CTSB: variants seen among roughly 807,000 people sequenced by gnomAD.
CTSB encodes APP secretase.
In CTSB, 57 loss-of-function variants were observed where a neutral mutation model predicts 44.3. The observed-to-expected ratio is 1.29, with a 90% CI of 1.04 to 1.60. The LOEUF (loss-of-function observed/expected upper bound fraction) is 1.60. Ranked by LOEUF, CTSB falls within the 40% of genes most tolerant of loss-of-function variation. CTSB has a pLI of 0.00. For synonymous variants in CTSB, 320 were observed against 168.0 expected (o/e 1.91, Z -7.00); for missense variants, 768 against 443.0 (o/e 1.73, Z -6.59).
intron 7 of CTSB, 58 bp downstream of exon 7, chr8:11,847,621 G>C (rs1189133824): frequency 4.0e-6 from 6 of 1,488,968 alleles, no homozygotes; most frequent in South Asian, 1.4e-5. Context: ...AGCGTGAGGA[G>C]GGATGCAGCA....
intron 1 of CTSB, among the ~76,000 whole-genome samples, chr8:11,866,718 G>A (rs1817203845): frequency 1.3e-5 from 2 of 152,164 alleles, no homozygotes; most frequent in Admixed American, 1.3e-4. Context: ...AAATTAGCTG[G>A]GCGTGGTGGC....
intron 1 of CTSB, among the ~76,000 whole-genome samples, chr8:11,858,390 G>A (rs927920160): frequency 6.6e-6 from 1 of 152,128 alleles, no homozygotes; most frequent in African/African-American, 2.4e-5. Context: ...TGCCTCCTGG[G>A]CTCAAGAGAT....
chr8:11,865,439 A>G (rs1391512719), intron 1 of CTSB: 1 of 152,140 alleles, frequency 6.6e-6, no homozygotes, highest in African/African-American at 2.4e-5. Context: ...AAATAAAAAA[A>G]TTAGCTGAGT....
intron 4 of CTSB, 34 bp downstream of exon 4, chr8:11,850,832 T>C: frequency 1.3e-6 from 2 of 1,519,194 alleles, no homozygotes; most frequent in Non-Finnish European, 1.8e-6. Context: ...CCACTTTCTC[T>C]CCAGCGCTTC....
At chr8:11,859,018 T>A (rs1487194767) in intron 1 of CTSB, among the ~76,000 whole-genome samples, 1 of 152,162 alleles carries the variant, frequency 6.6e-6, no homozygotes, top group Admixed American at 6.5e-5. Flanking sequence ...GGATGCGGGC[T>A]GGTGGAAGAA....
intron 1 of CTSB, among the ~76,000 whole-genome samples, chr8:11,866,464 G>A (rs1240084397): frequency 6.6e-6 from 1 of 152,266 alleles, no homozygotes; most frequent in African/African-American, 2.4e-5. Flanking sequence ...AAGACGAAGG[G>A]AAGCCTCTGT....
chr8:11,846,743 C>G (rs753329293), intron 8 of CTSB, among the ~76,000 whole-genome samples: 3 of 152,138 alleles, frequency 2.0e-5, no homozygotes, highest in Middle Eastern at 3.2e-3. Flanking sequence ...TGGCCAGCCA[C>G]CAGGGAGGGG....
chr8:11,845,321 C>T (rs1298468780), intron 9 of CTSB, 99 bp from the exon 10 acceptor site: 2 of 923,536 alleles, frequency 2.2e-6, no homozygotes, highest in Admixed American at 2.0e-5. Context: ...TCCCTGGCCA[C>T]TCCTGCTGTT....
Position 11,842,542 on chromosome 8 carries a change from T to C in CTSB, c.*2583A>G, listed in dbSNP as rs1350556827. The C allele has an allele frequency of 6.6e-6, 1 of 152,222 alleles. No homozygotes were observed. Among genetic ancestry groups the C allele is most frequent in the African/African-American group, 2.4e-5 (1 of 41,450 alleles). 9.4% of individuals were successfully genotyped at this position (152,222 alleles called of 1,614,324 possible). A position where few individuals can be genotyped will look rare whatever the true frequency, so the allele number is the denominator to read the frequency against. On this transcript the variant is annotated 3_prime_UTR_variant, in exon 10 of 10. Transcript: ENST00000353047. The stretch of plus-strand genomic sequence containing the variant: ...AACTCAGTTTGGGAGCAGGGAGAAC[T>C]TTATTGAGGTTATGAATATATTCTA...
chr8:11,853,648 A>C (rs1293296), intron 1 of CTSB, 169 bp from the exon 2 acceptor site: 160,408 of 630,424 alleles, frequency 0.25, 22,584 homozygotes, highest in Middle Eastern at 0.31. Flanking sequence ...CCCCTGCCCG[A>C]AGCACGCCAT....
At chr8:11,865,724 C>T (rs1343686616) in intron 1 of CTSB, 2 of 151,308 alleles carry the variant, frequency 1.3e-5, no homozygotes, top group Admixed American at 6.6e-5. Context: ...AAGAAAATTA[C>T]CCCTCCACCG....
At position 11,845,660 on chromosome 8, in the gene CTSB, C is replaced by G. The variant is rs563236488; in HGVS notation, c.922+1G>C. ...TTGGCAGGAAGGGGGCAGCCACTCA[C>G]CATTGTCACCCCAGTCAGTGTTCCA... On this transcript the variant is annotated splice_donor_variant, in intron 9 of 9. Coordinates refer to ENST00000353047, the MANE Select transcript of CTSB (RefSeq NM_001908.5). LOFTEE classifies it high-confidence loss of function. 3 of 1,612,492 alleles carry G rather than the reference C, an allele frequency of 1.9e-6. No individual in the cohort carries two copies. Among genetic ancestry groups the G allele is most frequent in the East Asian group, 2.2e-5 (1 of 44,824 alleles).
At chr8:11,859,767 CAAAAAA>C (rs36047077) in intron 1 of CTSB, among the ~76,000 whole-genome samples, 8,109 of 38,430 alleles carry the variant, frequency 0.21, 283 homozygotes, top group South Asian at 0.35. Context: ...GACTCTGTCT[CAAAAAA>C]AAAAAAAAAA....
rs1207694635 is a variant in CTSB at position 11,845,807 on chromosome 8, G to C, written c.794-18C>G. ...GTACACTCCTGAAAAGGGAAGAACTGGCTGAGACCGAGACCGGGCCACTGT... is the reference window on the plus strand; with the variant it reads ...GTACACTCCTGAAAAGGGAAGAACTCGCTGAGACCGAGACCGGGCCACTGT... On this transcript the variant is annotated intron_variant, in intron 8 of 9. Coordinates refer to ENST00000353047, the MANE Select transcript of CTSB (RefSeq NM_001908.5). The C allele has an allele frequency of 3.7e-6, 6 of 1,602,488 alleles. No individual in the cohort carries two copies. The highest frequency in any genetic ancestry group is 5.1e-6 in the Non-Finnish European group (6 of 1,171,988).
chr8:11,846,289 T>G (rs1813321693), intron 8 of CTSB: 1 of 152,320 alleles, frequency 6.6e-6, no homozygotes, highest in Non-Finnish European at 1.5e-5. Context: ...CCAACCAGGC[T>G]CTCGGGTGGG....
chr8:11,853,554 T>G, intron 1 of CTSB, 75 bp from the exon 2 acceptor site: 1 of 1,442,330 alleles, frequency 6.9e-7, no homozygotes, highest in Non-Finnish European at 9.3e-7. Context: ...GGGCACCGTC[T>G]CGGGCATCAG....
chr8:11,859,880 C>A (rs1455796224), intron 1 of CTSB, among the ~76,000 whole-genome samples: 1 of 151,610 alleles, frequency 6.6e-6, no homozygotes, highest in African/African-American at 2.4e-5. Flanking sequence ...CAAGACCAGC[C>A]TGGCCAACAT....
intron 1 of CTSB, among the ~76,000 whole-genome samples, chr8:11,855,686 A>G (rs1315562387): frequency 9.2e-5 from 14 of 152,124 alleles, no homozygotes; most frequent in Admixed American, 9.2e-4. Flanking sequence ...GAAAAATGGA[A>G]CCAGCATAAT....
rs1185679436 is a variant in CTSB at position 11,850,933 on chromosome 8, C to T, written c.260G>A (p.Arg87Gln). The T allele has an allele frequency of 2.5e-5, 41 of 1,613,344 alleles. No individual in the cohort carries two copies. The highest frequency in any genetic ancestry group is 3.1e-5 in the Non-Finnish European group (37 of 1,179,602). The change falls in exon 4 of 10, where the codon CGG becomes CAG. Residue 87 changes from arginine to glutamine, a missense_variant. Arg to Gln is a conservative substitution (Grantham distance 43). Transcript: ENST00000353047. The part of the protein sequence containing the change: ...DLKLPASFDA[R>Q]EQWPQCPTIK... ...GGTGGGACACTGTGGCCATTGTTCC[C>T]GTGCATCGAAGCTTGCAGGCAGCTT...
Sources: allele counts gnomAD v4.1 joint callset (sites outside exome capture counted in the v4.1 genomes callset), GRCh38; gene constraint gnomAD v4.1.1; transcripts MANE v1.5; gene names NCBI Gene and HGNC (gene_info 2026-07-23, HGNC 2026-07-21).